CFDP1: variants seen among roughly 807,000 people sequenced by gnomAD.
The protein encoded by CFDP1 is chromatin remodeling protein CFDP1.
CFDP1 carries 31 observed loss-of-function variants against 40.1 expected under a neutral mutation model. That is an observed-to-expected ratio of 0.77 (90% CI 0.58 to 1.04). The LOEUF (loss-of-function observed/expected upper bound fraction) is 1.04, where lower values mean the gene tolerates loss of function less well. Among genes scored for constraint, CFDP1 ranks in the 50% least tolerant of loss-of-function variants. The pLI is 0.00. For missense variants in CFDP1, 423 were observed against 343.4 expected (o/e 1.23, Z -1.83); for synonymous variants, 167 against 120.0 (o/e 1.39, Z -2.56).
intron 5 of CFDP1, among the ~76,000 whole-genome samples, chr16:75,353,656 G>C (rs2078627375): frequency 6.7e-6 from 1 of 148,180 alleles, no homozygotes; most frequent in Admixed American, 7.0e-5. Context: ...GGCTGAGGCA[G>C]GAGAATGGCA....
chr16:75,395,160 T>C lies in CFDP1; in HGVS notation c.580A>G (p.Lys194Glu). The C allele has an allele frequency of 6.2e-7, 1 of 1,613,854 alleles. No individual in the cohort carries two copies. The highest frequency in any genetic ancestry group is 8.5e-7 in the Non-Finnish European group (1 of 1,179,884). The stretch of plus-strand genomic sequence containing the variant: ...TGTGGTTTTTCTTTCTCATTCTGCT[T>C]GAAGAAGGATTTGGCCTCTTTAGAT... ...ATSKEAKSFF[K>E]QNEKEKPQAN... Residue 194 changes from lysine (K) to glutamate (E), a missense_variant, in exon 5 of 7, where the codon AAG becomes GAG. Physicochemically the swap from Lys to Glu is moderately conservative, Grantham distance 56 (BLOSUM62 1). Coordinates refer to ENST00000283882, the MANE Select transcript of CFDP1 (RefSeq NM_006324.3).
At chr16:75,421,514 G>A (rs1453935739) in intron 1 of CFDP1, among the ~76,000 whole-genome samples, 3 of 152,232 alleles carry the variant, frequency 2.0e-5, no homozygotes, top group South Asian at 4.1e-4. Flanking sequence ...AGGCACAAAA[G>A]GAACAAATCT....
chr16:75,410,927 G>GA (rs1289429592), intron 4 of CFDP1, among the ~76,000 whole-genome samples: 10 of 115,736 alleles, frequency 8.6e-5, no homozygotes, highest in South Asian at 6.0e-4. Context: ...AAAAAAAAAA[G>GA]AAAAAAAAAG....
chr16:75,320,638 G>C (rs761763686), intron 5 of CFDP1, among the ~76,000 whole-genome samples: 5 of 152,150 alleles, frequency 3.3e-5, no homozygotes, highest in African/African-American at 4.8e-5. Context: ...CCTCTCCTGG[G>C]GGACGAGTGG....
At position 75,384,852 on chromosome 16, in the gene CFDP1, C is replaced by CTATA. The variant is rs59681577; in HGVS notation, c.650+10234_650+10237dup. 5.2e-3 allele frequency among the ~76,000 whole-genome samples: 621 copies of CTATA among 119,342 alleles called. 19 individuals are homozygous for CTATA. The highest frequency in any genetic ancestry group is 7.2e-3 in the South Asian group (28 of 3,868). 78.3% of individuals were successfully genotyped at this position (119,342 alleles called of 152,430 possible). A position where few individuals can be genotyped will look rare whatever the true frequency, so the allele number is the denominator to read the frequency against. On this transcript the variant is annotated intron_variant, in intron 5 of 6. Coordinates refer to ENST00000283882, the MANE Select transcript of CFDP1 (RefSeq NM_006324.3). ...TACAAGTTGCAAGAAGAAACTAAAA[C>CTATA]TATATATATATATATATATATATAT...
At chr16:75,393,782 G>A (rs12149936) in intron 5 of CFDP1, among the ~76,000 whole-genome samples, 50,187 of 102,660 alleles carry the variant, frequency 0.49, 15,685 homozygotes, top group Admixed American at 0.64. Flanking sequence ...AAGTGGGGCC[G>A]GGCCCGGTGG....
chr16:75,355,097 C>T (rs1567655127), intron 5 of CFDP1, among the ~76,000 whole-genome samples: 3 of 152,214 alleles, frequency 2.0e-5, no homozygotes, highest in Non-Finnish European at 4.4e-5. Context: ...TACAGATCTT[C>T]ATTTTAAAAT....
intron 1 of CFDP1, among the ~76,000 whole-genome samples, chr16:75,432,059 G>A (rs533023622): frequency 6.6e-5 from 10 of 151,340 alleles, no homozygotes; most frequent in African/African-American, 1.9e-4. Flanking sequence ...CTACAGGCGC[G>A]TGCCACCATG....
At chr16:75,330,629 G>A (rs768171060) in intron 5 of CFDP1, among the ~76,000 whole-genome samples, 11 of 152,126 alleles carry the variant, frequency 7.2e-5, no homozygotes, top group Admixed American at 7.2e-4. Flanking sequence ...TTTGGCTTCA[G>A]GACAGAGGTA....
At chr16:75,344,919 G>A (rs2078551707) in intron 5 of CFDP1, among the ~76,000 whole-genome samples, 1 of 151,902 alleles carries the variant, frequency 6.6e-6, no homozygotes, top group African/African-American at 2.4e-5. Flanking sequence ...GCAACAGAGG[G>A]AGACTACATC....
intron 1 of CFDP1, among the ~76,000 whole-genome samples, chr16:75,425,881 C>T (rs547894509): frequency 4.0e-5 from 6 of 149,134 alleles, no homozygotes; most frequent in Non-Finnish European, 7.4e-5. Flanking sequence ...ACTAAAAATA[C>T]AAAAATTAGC....
rs2079091944 is a variant in CFDP1 at position 75,405,758 on chromosome 16, A to AC, written c.530+6066_530+6067insG. On this transcript the variant is annotated intron_variant, in intron 4 of 6. Coordinates refer to ENST00000283882, the MANE Select transcript of CFDP1 (RefSeq NM_006324.3). ...GAGTGAGACTCCATCTCAAAAAAAA[A>AC]AAAAAAACAAATGAGCCAGGCGTGG... 6.0e-5 allele frequency among the ~76,000 whole-genome samples: 9 copies of AC among 150,116 alleles called. No individual in the cohort carries two copies. In the South Asian group the frequency reaches 1.9e-3, roughly 32 times the overall value.
intron 1 of CFDP1, among the ~76,000 whole-genome samples, chr16:75,421,931 C>T (rs939313002): frequency 6.6e-6 from 1 of 152,282 alleles, no homozygotes; most frequent in South Asian, 2.1e-4. Context: ...CTATGTACAT[C>T]CTCTTGCATA....
chr16:75,395,773 AAAACT>A (rs2078991289), intron 4 of CFDP1, among the ~76,000 whole-genome samples: 1 of 152,348 alleles, frequency 6.6e-6, no homozygotes, highest in South Asian at 2.1e-4. Flanking sequence ...AAAATCCCCT[AAAACT>A]GGCTAAATTA....
chr16:75,333,194 G>C (rs2078460442), intron 5 of CFDP1, among the ~76,000 whole-genome samples: 1 of 148,422 alleles, frequency 6.7e-6, no homozygotes, highest in Admixed American at 6.9e-5. Context: ...CGCGATCTCA[G>C]CTCACTGCAA....
intron 5 of CFDP1, among the ~76,000 whole-genome samples, chr16:75,375,413 C>T (rs1217886194): frequency 2.0e-5 from 3 of 152,156 alleles, no homozygotes; most frequent in Non-Finnish European, 2.9e-5. Flanking sequence ...TCACTTTACA[C>T]ATGAAAAGAT....
rs1597326366 is a variant in CFDP1, at chr16:75,316,317, G to A, written c.651-11135C>T. Among the ~76,000 whole-genome samples, 4 of 152,166 alleles carry A rather than the reference G, an allele frequency of 2.6e-5. No individual in the cohort carries two copies. In the East Asian group the frequency reaches 5.8e-4, roughly 22 times the overall value. Reference sequence around the variant, plus strand: ...TGAGATAATACTCTCAGGAAGTTCAGAAAGTTGACCGCTTCTTATTTCTTA... The same window carrying A: ...TGAGATAATACTCTCAGGAAGTTCAAAAAGTTGACCGCTTCTTATTTCTTA... On this transcript the variant is annotated intron_variant, in intron 5 of 6. Coordinates refer to ENST00000283882, the MANE Select transcript of CFDP1 (RefSeq NM_006324.3).
chr16:75,331,975 A>G (rs1309766308), intron 5 of CFDP1, among the ~76,000 whole-genome samples: 3 of 152,144 alleles, frequency 2.0e-5, no homozygotes, highest in African/African-American at 7.2e-5. Context: ...TCTCACCAAT[A>G]TTTGTTGTTA....
intron 5 of CFDP1, among the ~76,000 whole-genome samples, chr16:75,368,062 C>T (rs755921810): frequency 6.6e-6 from 1 of 152,130 alleles, no homozygotes; most frequent in Non-Finnish European, 1.5e-5. Flanking sequence ...CAAGATCGCA[C>T]CGTGCCCTCT....
Sources: allele counts gnomAD v4.1 joint callset (sites outside exome capture counted in the v4.1 genomes callset), GRCh38; gene constraint gnomAD v4.1.1; transcripts MANE v1.5; gene names NCBI Gene and HGNC (gene_info 2026-07-23, HGNC 2026-07-21).